Variants in TMEM132B observed in about 807,000 individuals in gnomAD.
The protein encoded by TMEM132B is transmembrane protein 132B.
TMEM132B carries 18 observed loss-of-function variants against 90.8 expected under a neutral mutation model. That is an observed-to-expected ratio of 0.20 (90% CI 0.14 to 0.29). The LOEUF (loss-of-function observed/expected upper bound fraction) is 0.29. Ranked by LOEUF, TMEM132B falls within the 10% of genes least tolerant of loss-of-function variation. The pLI is 1.00. For synonymous variants in TMEM132B, 504 were observed against 523.3 expected (o/e 0.96, Z 0.50); for missense variants, 1,096 against 1,326.8 (o/e 0.83, Z 2.70).
chr12:125,515,096 C>A (rs1883075629), intron 3 of TMEM132B, among the ~76,000 whole-genome samples: 1 of 152,118 alleles, frequency 6.6e-6, no homozygotes, highest in Non-Finnish European at 1.5e-5. Context: ...CAAGCAGTGT[C>A]GCCACTCCAT....
At chr12:125,336,107 CA>C in intron 1 of TMEM132B, among the ~76,000 whole-genome samples, 1 of 152,240 alleles carries the variant, frequency 6.6e-6, no homozygotes, top group Non-Finnish European at 1.5e-5. Context: ...AGAGCTCCAT[CA>C]CCCCTCTTCC....
chr12:125,240,351 A>G (rs1378372980), intron 1 of TMEM132B, among the ~76,000 whole-genome samples: 1 of 152,118 alleles, frequency 6.6e-6, no homozygotes, highest in Non-Finnish European at 1.5e-5. Flanking sequence ...TATTTGGGTT[A>G]ATGGCATGTT....
At chr12:125,617,366 A>G (rs1393858647) in intron 5 of TMEM132B, among the ~76,000 whole-genome samples, 1 of 131,592 alleles carries the variant, frequency 7.6e-6, no homozygotes, top group Non-Finnish European at 1.6e-5. Flanking sequence ...TTTTTTTGAG[A>G]CGGAATTTCA....
At chr12:125,440,561 C>T (rs1349849216) in intron 3 of TMEM132B, among the ~76,000 whole-genome samples, 1 of 152,110 alleles carries the variant, frequency 6.6e-6, no homozygotes, top group Admixed American at 6.5e-5. Context: ...TGAACTAGTA[C>T]CTTGCATCTC....
chr12:125,467,622 A>G (rs1052758999), intron 3 of TMEM132B, among the ~76,000 whole-genome samples: 3 of 152,238 alleles, frequency 2.0e-5, no homozygotes, highest in African/African-American at 7.2e-5. Flanking sequence ...ATGTCACATA[A>G]CATAGTTCAA....
chr12:125,203,508 T>C (rs1873113344), intron 1 of TMEM132B, among the ~76,000 whole-genome samples: 1 of 152,240 alleles, frequency 6.6e-6, no homozygotes, highest in African/African-American at 2.4e-5. Context: ...AATTGGTTAC[T>C]TCTGTGACCA....
At chr12:125,596,864 A>G (rs1593012784) in intron 5 of TMEM132B, among the ~76,000 whole-genome samples, 1 of 152,224 alleles carries the variant, frequency 6.6e-6, no homozygotes, top group Admixed American at 6.5e-5. Context: ...TTCTTTTCAT[A>G]GAAGCACAGT....
At chr12:125,563,058 T>A (rs1465179436) in intron 4 of TMEM132B, among the ~76,000 whole-genome samples, 1 of 151,618 alleles carries the variant, frequency 6.6e-6, no homozygotes, top group Non-Finnish European at 1.5e-5. Context: ...ACTGTTAAGT[T>A]TGCATCTCAC....
intron 5 of TMEM132B, among the ~76,000 whole-genome samples, chr12:125,599,520 T>C (rs1257984014): frequency 6.6e-6 from 1 of 152,004 alleles, no homozygotes; most frequent in East Asian, 1.9e-4. Context: ...ATGGTGAGAA[T>C]TGAGGGTGGG....
At chr12:125,560,684 G>C (rs1884500201) in intron 4 of TMEM132B, among the ~76,000 whole-genome samples, 1 of 151,856 alleles carries the variant, frequency 6.6e-6, no homozygotes, top group African/African-American at 2.4e-5. Flanking sequence ...AATTAGCCGG[G>C]CGCGGTGGCG....
intron 5 of TMEM132B, among the ~76,000 whole-genome samples, chr12:125,599,676 G>C (rs183701430): frequency 9.9e-5 from 15 of 152,246 alleles, no homozygotes; most frequent in East Asian, 7.7e-4. Flanking sequence ...CCTTCTGCAG[G>C]AGTTTTTGTT....
At chr12:125,470,036 G>A (rs1383953682) in intron 3 of TMEM132B, among the ~76,000 whole-genome samples, 1 of 152,202 alleles carries the variant, frequency 6.6e-6, no homozygotes, top group Non-Finnish European at 1.5e-5. Flanking sequence ...AAAGGCACAT[G>A]CGGGTTGAAA....
At chr12:125,423,330 C>T (rs996923230) in intron 3 of TMEM132B, among the ~76,000 whole-genome samples, 6 of 152,232 alleles carry the variant, frequency 3.9e-5, no homozygotes, top group African/African-American at 1.4e-4. Context: ...TTCAGGAGTT[C>T]AAAGCCAGGA....
chr12:125,244,797 A>G (rs1266025150), intron 1 of TMEM132B, among the ~76,000 whole-genome samples: 2 of 152,286 alleles, frequency 1.3e-5, no homozygotes, highest in South Asian at 2.1e-4. Context: ...TGGCTTTACT[A>G]TGAAAATTCC....
At chr12:125,536,211 G>T (rs1038904259) in intron 4 of TMEM132B, among the ~76,000 whole-genome samples, 1 of 152,246 alleles carries the variant, frequency 6.6e-6, no homozygotes, top group Non-Finnish European at 1.5e-5. Flanking sequence ...GGTGGTGACA[G>T]ACTGCTGCAC....
In TMEM132B at chr12:125,277,488, AG is replaced by A. The variant is rs1875024658; in HGVS notation, c.68-71963del. Among the ~76,000 whole-genome samples, 1 of 121,542 alleles carries A rather than the reference AG, an allele frequency of 8.2e-6. No individual in the cohort carries two copies. The highest frequency in any genetic ancestry group is 7.9e-5 in the Admixed American group (1 of 12,632). 79.7% of individuals were successfully genotyped at this position (121,542 alleles called of 152,430 possible). Reference sequence around the variant, plus strand: ...AGCAAGACTCTGTCTCAAAAAAAAAAGATGAAGAGGGAGAACACACACACAC... The same window carrying A: ...AGCAAGACTCTGTCTCAAAAAAAAAAATGAAGAGGGAGAACACACACACAC... On this transcript the variant is annotated intron_variant, in intron 1 of 8. Coordinates refer to ENST00000682704, the MANE Select transcript of TMEM132B (RefSeq NM_001366854.1). The surrounding 1 kb of genome is among the most constrained non-coding windows in gnomAD (Gnocchi z 4.3).
At chr12:125,343,886 G>A (rs550257225) in intron 1 of TMEM132B, among the ~76,000 whole-genome samples, 2 of 152,300 alleles carry the variant, frequency 1.3e-5, no homozygotes, top group African/African-American at 4.8e-5. Flanking sequence ...GGCAAATGCT[G>A]TGTTAATAAA....
chr12:125,324,663 G>A (rs1424847742), intron 1 of TMEM132B, among the ~76,000 whole-genome samples: 3 of 152,164 alleles, frequency 2.0e-5, no homozygotes, highest in African/African-American at 4.8e-5. Context: ...CTGTGCATGC[G>A]AGGGACCTAG....
intron 3 of TMEM132B, among the ~76,000 whole-genome samples, chr12:125,500,755 G>A (rs1272625989): frequency 6.6e-6 from 1 of 152,180 alleles, no homozygotes; most frequent in Non-Finnish European, 1.5e-5. Flanking sequence ...CTAACTCCAG[G>A]TAGCAGGCTT....
Sources: allele counts gnomAD v4.1 joint callset (sites outside exome capture counted in the v4.1 genomes callset), GRCh38; gene constraint gnomAD v4.1.1; non-coding constraint Gnocchi (gnomAD v3.1); transcripts MANE v1.5; gene names NCBI Gene and HGNC (gene_info 2026-07-23, HGNC 2026-07-21).